The following GRB14 variants were observed in gnomAD, a reference collection of about 807,000 sequenced individuals.
The protein encoded by GRB14 is growth factor receptor bound protein 14.
Under a neutral mutation model 69.1 loss-of-function variants are expected in GRB14, and 38 were observed. That is an observed-to-expected ratio of 0.55 (90% confidence interval 0.42 to 0.72). GRB14 has a LOEUF of 0.72. Among genes scored for constraint, GRB14 ranks in the 30% least tolerant of loss-of-function variants. The pLI, the probability that GRB14 is intolerant of heterozygous loss-of-function variation, is 0.00. For missense variants in GRB14, 666 were observed against 666.1 expected (o/e 1.00, Z 0.00); for synonymous variants, 247 against 241.3 (o/e 1.02, Z -0.22).
chr2:164,497,204 G>C lies in GRB14; in HGVS notation c.1294+7C>G, dbSNP rs1292024420. The C allele has an allele frequency of 1.2e-6, 2 of 1,611,526 alleles. No individual in the cohort carries two copies. The highest frequency in any genetic ancestry group is 4.5e-5 in the East Asian group (2 of 44,878). On this transcript the variant is annotated splice_region_variant and intron_variant, in intron 11 of 13. Transcript: ENST00000263915. ...TACTCAGTGGCAATGACTATGAACA[G>C]ACATACCCATGTTTGTGGCAGAGCT... is the stretch of plus-strand genomic sequence containing the variant.
chr2:164,521,124 G>A (rs1243787728), intron 6 of GRB14, among the ~76,000 whole-genome samples: 3 of 152,032 alleles, frequency 2.0e-5, no homozygotes, highest in Non-Finnish European at 2.9e-5. Flanking sequence ...ATCAATCAAC[G>A]AGTGGATAAA....
Position 164,552,818 on chromosome 2 carries a change from A to G in GRB14, c.325-5002T>C, listed in dbSNP as rs778287296. Among the ~76,000 whole-genome samples, 14 of 152,132 alleles carry G rather than the reference A, an allele frequency of 9.2e-5. No individual in the cohort carries two copies. The South Asian group carries it at 1.7e-3, about 18-fold the overall frequency. ...TGCATCTATACTAGAAAACTGATGG[A>G]ATTCTGAGGCATGCTGCTGTGCTTA... On this transcript the variant is annotated intron_variant, in intron 2 of 13. Coordinates refer to ENST00000263915, the MANE Select transcript of GRB14 (RefSeq NM_004490.3).
At chr2:164,585,186 G>A (rs1398617254) in intron 2 of GRB14, among the ~76,000 whole-genome samples, 3 of 129,546 alleles carry the variant, frequency 2.3e-5, no homozygotes, top group African/African-American at 8.6e-5. Flanking sequence ...GACCTCAGGT[G>A]ATCTGCCCAC....
intron 2 of GRB14, among the ~76,000 whole-genome samples, chr2:164,561,043 G>T (rs899370590): frequency 6.6e-6 from 1 of 152,044 alleles, no homozygotes; most frequent in Non-Finnish European, 1.5e-5. Flanking sequence ...AGCCATGAGA[G>T]CCAGCCCTAC....
At chr2:164,609,283 A>G (rs1385623587) in intron 2 of GRB14, among the ~76,000 whole-genome samples, 1 of 152,216 alleles carries the variant, frequency 6.6e-6, no homozygotes, top group South Asian at 2.1e-4. Context: ...TTTCCTAGAC[A>G]GCCCAGCACC....
chr2:164,573,688 C>T lies in GRB14; in HGVS notation c.325-25872G>A, dbSNP rs1689173613. On this transcript the variant is annotated intron_variant, in intron 2 of 13. Transcript: ENST00000263915. ...CAGTAGAAGCCAGAATCTTGAGTTG[C>T]CCAGTTAGGAGCCTCTGACCTGCTA... The T allele has an allele frequency of 2.5e-6, 4 of 1,596,626 alleles. No homozygotes were observed. The South Asian group carries it at 4.4e-5, about 18-fold the overall frequency.
chr2:164,518,566 T>C (rs1476845560), intron 6 of GRB14, among the ~76,000 whole-genome samples: 1 of 151,910 alleles, frequency 6.6e-6, no homozygotes, highest in African/African-American at 2.4e-5. Context: ...ATACAAAAGA[T>C]AAATGAAACA....
At chr2:164,526,752 A>T (rs1255600643) in intron 4 of GRB14, among the ~76,000 whole-genome samples, 3 of 151,988 alleles carry the variant, frequency 2.0e-5, no homozygotes, top group African/African-American at 7.2e-5. Context: ...AATACTTTTA[A>T]ATTAAATAAA....
chr2:164,503,904 G>C (rs1225220782), intron 8 of GRB14, among the ~76,000 whole-genome samples: 1 of 152,092 alleles, frequency 6.6e-6, no homozygotes, highest in African/African-American at 2.4e-5. Context: ...AAGGTCTTTA[G>C]TAGGCATTTA....
intron 3 of GRB14, 41 bp from the exon 4 acceptor site, chr2:164,527,176 A>AATATATATATAT (rs57531034): frequency 1.4e-4 from 34 of 249,952 alleles, no homozygotes; most frequent in East Asian, 6.8e-4. Context: ...CAGATAGACA[A>AATATATATATAT]ATATATATAT....
intron 2 of GRB14, among the ~76,000 whole-genome samples, chr2:164,551,917 G>A (rs1234796371): frequency 6.6e-6 from 1 of 152,200 alleles, no homozygotes; most frequent in African/African-American, 2.4e-5. Context: ...CTGCAGGCTG[G>A]AAAAGAAGGA....
intron 2 of GRB14, among the ~76,000 whole-genome samples, chr2:164,579,078 G>T (rs1169573796): frequency 6.6e-6 from 1 of 151,992 alleles, no homozygotes; most frequent in Non-Finnish European, 1.5e-5. Context: ...GACCCCATTT[G>T]TGTAAAAACA....
intron 2 of GRB14, among the ~76,000 whole-genome samples, chr2:164,587,431 A>T (rs1023115004): frequency 2.0e-5 from 3 of 152,296 alleles, no homozygotes; most frequent in Admixed American, 6.5e-5. Flanking sequence ...TGCCTAAGGA[A>T]GTTGTCTTTC....
chr2:164,537,904 G>A (rs944430535), intron 3 of GRB14, among the ~76,000 whole-genome samples: 1 of 152,068 alleles, frequency 6.6e-6, no homozygotes, highest in Non-Finnish European at 1.5e-5. Context: ...TGTGATGAGG[G>A]TGGTCACAAC....
At chr2:164,498,182 T>C (rs1336483705) in intron 9 of GRB14, among the ~76,000 whole-genome samples, 1 of 152,158 alleles carries the variant, frequency 6.6e-6, no homozygotes, top group Non-Finnish European at 1.5e-5. Context: ...AACATATGAA[T>C]ACATTTTCAT....
intron 2 of GRB14, among the ~76,000 whole-genome samples, chr2:164,586,512 A>C (rs1410810797): frequency 6.6e-6 from 1 of 152,188 alleles, no homozygotes; most frequent in Non-Finnish European, 1.5e-5. Context: ...ACAAACTCCA[A>C]GAGTTTCCTT....
chr2:164,504,999 CT>C (rs1687152686), intron 8 of GRB14, among the ~76,000 whole-genome samples: 1 of 152,206 alleles, frequency 6.6e-6, no homozygotes, highest in African/African-American at 2.4e-5. Context: ...ATTTTAAAGG[CT>C]GCCAAAAGGC....
At chr2:164,540,017 C>CTCA (rs1688191231) in intron 3 of GRB14, 1 of 152,144 alleles carries the variant, frequency 6.6e-6, no homozygotes. Flanking sequence ...TGCTTTTTCT[C>CTCA]TCACTCAGTG....
At chr2:164,590,637 C>T (rs949022523) in intron 2 of GRB14, among the ~76,000 whole-genome samples, 1 of 152,174 alleles carries the variant, frequency 6.6e-6, no homozygotes, top group Non-Finnish European at 1.5e-5. Context: ...GCACATAGCA[C>T]CCTGACACTG....
Sources: allele counts gnomAD v4.1 joint callset (sites outside exome capture counted in the v4.1 genomes callset), GRCh38; gene constraint gnomAD v4.1.1; transcripts MANE v1.5; gene names NCBI Gene and HGNC (gene_info 2026-07-23, HGNC 2026-07-21).